LRCOL1: variants seen among roughly 807,000 people sequenced by gnomAD.
LRCOL1 encodes leucine rich colipase like 1, also known as leucine-rich colipase-like protein 1.
Under a neutral mutation model 21.6 loss-of-function variants are expected in LRCOL1, and 21 were observed. The observed-to-expected ratio is 0.97, with a 90% CI of 0.69 to 1.40. The LOEUF (loss-of-function observed/expected upper bound fraction) is 1.40. Among genes scored for constraint, LRCOL1 ranks in the 40% most tolerant of loss-of-function variants. The probability of loss-of-function intolerance (pLI) is 0.00; values close to 1 mark genes in which losing one functional copy is unlikely to be tolerated. For missense variants in LRCOL1, 198 were observed against 202.3 expected (o/e 0.98, Z 0.13); for synonymous variants, 98 against 90.1 (o/e 1.09, Z -0.49).
intron 5 of LRCOL1, 144 bp from the exon 6 acceptor site, chr12:132,603,548 G>A (rs989824600): frequency 2.0e-6 from 3 of 1,492,968 alleles, no homozygotes; most frequent in East Asian, 2.5e-5. Context: ...CGACGCCCAC[G>A]CTCAGCTCGC....
At position 132,606,623 on chromosome 12, in the gene LRCOL1, T is replaced by C. The variant is rs528744468; in HGVS notation, c.-13-359A>G. On this transcript the variant is annotated intron_variant, in intron 1 of 5. Coordinates refer to ENST00000376608, the MANE Select transcript of LRCOL1 (RefSeq NM_001195520.2). The surrounding 1 kb of genome is among the most constrained non-coding windows in gnomAD (Gnocchi z 4.6). The stretch of plus-strand genomic sequence containing the variant: ...CCTGCTGCGGGTTTGGGTGAGTGCG[T>C]TCTCATAACTGCCATTTCAGTATCC... Among the ~76,000 whole-genome samples the C allele has an allele frequency of 6.6e-6, 1 of 152,152 alleles. No individual in the cohort carries two copies. The highest frequency in any genetic ancestry group is 1.9e-4 in the East Asian group (1 of 5,148).
At chr12:132,608,027 C>T (rs1225951167) in intron 1 of LRCOL1, among the ~76,000 whole-genome samples, 1 of 142,500 alleles carries the variant, frequency 7.0e-6, no homozygotes, top group Non-Finnish European at 1.6e-5. Context: ...CTCTGTCTCT[C>T]TCTGTCTCTG....
chr12:132,608,463 AC>A (rs2041339926), intron 1 of LRCOL1, among the ~76,000 whole-genome samples: 1 of 152,178 alleles, frequency 6.6e-6, no homozygotes, highest in African/African-American at 2.4e-5. Context: ...TGGAGCCCTG[AC>A]CCCAGACAAA....
At chr12:132,607,683 C>G (rs1462474330) in intron 1 of LRCOL1, among the ~76,000 whole-genome samples, 1 of 96,380 alleles carries the variant, frequency 1.0e-5, no homozygotes, top group Non-Finnish European at 2.1e-5. Flanking sequence ...GTCTCTGTCT[C>G]TCTCTGCCTC....
chr12:132,605,011 G>A, intron 2 of LRCOL1, 180 bp from the exon 3 acceptor site: 1 of 1,424,772 alleles, frequency 7.0e-7, no homozygotes, highest in Non-Finnish European at 9.2e-7. Flanking sequence ...AGTGCTGGGG[G>A]CCCGGGGCTG....
Position 132,604,089 on chromosome 12 carries a change from T to C in LRCOL1, c.477+165A>G, listed in dbSNP as rs2041265800. 5 of 1,427,068 alleles carry C rather than the reference T, an allele frequency of 3.5e-6. No individual in the cohort carries two copies. The African/African-American group carries it at 7.2e-5, about 21-fold the overall frequency. The allele number at this position is 1,427,068 out of a possible 1,614,324, so 88.4% of individuals were successfully genotyped here. On this transcript the variant is annotated intron_variant, in intron 5 of 5. Transcript: ENST00000376608. ...AGGAGCCTTCTCTGCGGCCCCCACCTTATGAGATGGGCGGTGAAGCGCCGG... is the reference window on the plus strand; with the variant it reads ...AGGAGCCTTCTCTGCGGCCCCCACCCTATGAGATGGGCGGTGAAGCGCCGG...
chr12:132,604,846 A>T lies in LRCOL1; in HGVS notation c.106-15T>A. 2 of 1,535,192 alleles carry T rather than the reference A, an allele frequency of 1.3e-6. No homozygotes were observed. Among genetic ancestry groups the T allele is most frequent in the Non-Finnish European group, 1.7e-6 (2 of 1,146,342 alleles). On this transcript the variant is annotated splice_polypyrimidine_tract_variant and intron_variant, in intron 2 of 5. Transcript: ENST00000376608. ...TCCCCGATGCCCTGAAACACCACTCACCAGCTCGCTCACCTGTTCCTGGGC... is the reference window on the plus strand; with the variant it reads ...TCCCCGATGCCCTGAAACACCACTCTCCAGCTCGCTCACCTGTTCCTGGGC...
Position 132,604,247 on chromosome 12 carries a change from G to T in LRCOL1, c.477+7C>A, listed in dbSNP as rs1446412638. 8 of 1,531,016 alleles carry T rather than the reference G, an allele frequency of 5.2e-6. No homozygotes were observed. Among genetic ancestry groups the T allele is most frequent in the African/African-American group, 1.4e-5 (1 of 73,008 alleles). The allele number at this position is 1,531,016 out of a possible 1,614,324, so 94.8% of individuals were successfully genotyped here. A position where few individuals can be genotyped will look rare whatever the true frequency, so the allele number is the denominator to read the frequency against. On this transcript the variant is annotated splice_region_variant and intron_variant, in intron 5 of 5. Transcript: ENST00000376608. ...GCCTGGAGGCTGAGCCCCCGCCCGG[G>T]ACTTACCAGGGGCAGGCACTGGGCC... is the stretch of plus-strand genomic sequence containing the variant.
Position 132,604,697 on chromosome 12 carries a change from G to C in LRCOL1, c.231+9C>G. On this transcript the variant is annotated intron_variant, in intron 3 of 5. Coordinates refer to ENST00000376608, the MANE Select transcript of LRCOL1 (RefSeq NM_001195520.2). ...CGCTCCTCCACCCCCGCCCCTGCACGCACCTCACCTTCCTCCAGGGCAGGC... is the reference window on the plus strand; with the variant it reads ...CGCTCCTCCACCCCCGCCCCTGCACCCACCTCACCTTCCTCCAGGGCAGGC... 1 of 1,535,128 alleles carries C rather than the reference G, an allele frequency of 6.5e-7. No individual in the cohort carries two copies. The highest frequency in any genetic ancestry group is 8.7e-7 in the Non-Finnish European group (1 of 1,146,228).
intron 1 of LRCOL1, among the ~76,000 whole-genome samples, chr12:132,609,659 T>C (rs942056998): frequency 6.6e-6 from 1 of 152,158 alleles, no homozygotes; most frequent in African/African-American, 2.4e-5. Flanking sequence ...ATCACACCAC[T>C]ACATTCCAGC....
chr12:132,609,591 G>A (rs539620760), intron 1 of LRCOL1, among the ~76,000 whole-genome samples: 1 of 152,302 alleles, frequency 6.6e-6, no homozygotes, highest in Non-Finnish European at 1.5e-5. Context: ...CAGCTACTTA[G>A]GAGGCTGAGG....
rs1228506695 is a variant in LRCOL1, at chr12:132,606,727, G to A, written c.-13-463C>T. On this transcript the variant is annotated intron_variant, in intron 1 of 5. Coordinates refer to ENST00000376608, the MANE Select transcript of LRCOL1 (RefSeq NM_001195520.2). This position sits in a 1 kb window ranked among gnomAD's most constrained non-coding sequence, Gnocchi z 4.6. ...CCCTCCCCAGCTGCTGACAGCCACC[G>A]AGCTTTTCACTGTCAGCTTGGTTTT... 2.0e-5 allele frequency among the ~76,000 whole-genome samples: 3 copies of A among 152,050 alleles called. No individual in the cohort carries two copies. The highest frequency in any genetic ancestry group is 2.9e-5 in the Non-Finnish European group (2 of 68,014).
intron 1 of LRCOL1, among the ~76,000 whole-genome samples, chr12:132,609,415 G>A (rs2041349539): frequency 6.6e-6 from 1 of 152,230 alleles, no homozygotes; most frequent in Non-Finnish European, 1.5e-5. Context: ...CATTAAGACG[G>A]CCCGGGCATG....
rs1368672742 is a variant in LRCOL1, at chr12:132,606,403, A to G, written c.-13-139T>C. ...AGACAGACTTTTAAAAACTTAATGG[A>G]CTTTATTTTCTAAAGCAGTTTTATG... On this transcript the variant is annotated intron_variant, in intron 1 of 5. Coordinates refer to ENST00000376608, the MANE Select transcript of LRCOL1 (RefSeq NM_001195520.2). This position sits in a 1 kb window ranked among gnomAD's most constrained non-coding sequence, Gnocchi z 4.6. 1.4e-6 allele frequency: 1 copy of G among 728,908 alleles called. No homozygotes were observed. Among genetic ancestry groups the G allele is most frequent in the Non-Finnish European group, 2.2e-6 (1 of 457,628 alleles). 45.2% of individuals were successfully genotyped at this position (728,908 alleles called of 1,614,324 possible).
chr12:132,604,187 T>C, intron 5 of LRCOL1, 67 bp downstream of exon 5: 1 of 1,481,212 alleles, frequency 6.8e-7, no homozygotes, highest in East Asian at 2.5e-5. Context: ...AGTTGCTGTG[T>C]TTCTGTGCGA....
At chr12:132,604,952 C>T in intron 2 of LRCOL1, 121 bp from the exon 3 acceptor site, 1 of 1,460,008 alleles carries the variant, frequency 6.8e-7, no homozygotes. Context: ...ACTTGGGTTT[C>T]CTGAGAAGTT....
Position 132,605,946 on chromosome 12 carries a change from C to CAGCCGGGCGTGT in LRCOL1, c.105+189_105+200dup, listed in dbSNP as rs2041302380. On this transcript the variant is annotated intron_variant, in intron 2 of 5. Transcript: ENST00000376608. ...TAGCCTCAAGTGTGCTTGGGCAGCA[C>CAGCCGGGCGTGT]AGCCGGGCGTGTGGCCAGGAGAGCG... 4.2e-5 allele frequency: 25 copies of CAGCCGGGCGTGT among 598,200 alleles called. No homozygotes were observed. The East Asian group carries it at 7.1e-4, about 17-fold the overall frequency. The allele number at this position is 598,200 out of a possible 1,614,324, so 37.1% of individuals were successfully genotyped here.
chr12:132,606,106 G>T lies in LRCOL1; in HGVS notation c.105+41C>A, dbSNP rs1290333924. ...GCGCCCGGCACCCACCTTATGGCGC[G>T]TGTGGGGCCTGCAGGGGCATCAGGG... On this transcript the variant is annotated intron_variant, in intron 2 of 5. Coordinates refer to ENST00000376608, the MANE Select transcript of LRCOL1 (RefSeq NM_001195520.2). This position sits in a 1 kb window ranked among gnomAD's most constrained non-coding sequence, Gnocchi z 4.6. 1 of 1,524,796 alleles carries T rather than the reference G, an allele frequency of 6.6e-7. No individual in the cohort carries two copies. Among genetic ancestry groups the T allele is most frequent in the Non-Finnish European group, 8.8e-7 (1 of 1,136,922 alleles). The allele number at this position is 1,524,796 out of a possible 1,614,324, so 94.5% of individuals were successfully genotyped here. A position where few individuals can be genotyped will look rare whatever the true frequency, so the allele number is the denominator to read the frequency against.
rs2041246040 is a variant in LRCOL1 at position 132,603,154 on chromosome 12, G to C, written c.*248C>G. 2 of 483,836 alleles carry C rather than the reference G, an allele frequency of 4.1e-6. No homozygotes were observed. The highest frequency in any genetic ancestry group is 2.0e-5 in the African/African-American group (1 of 49,748). 30.0% of individuals were successfully genotyped at this position (483,836 alleles called of 1,614,324 possible). On this transcript the variant is annotated 3_prime_UTR_variant, in exon 6 of 6. Transcript: ENST00000376608. ...AGAAGGGGTGAGACACGGCTGCTCA[G>C]TCGGCCAGGAGCCTTTATTGATGTT...
Sources: gnomAD v4.1 joint callset for allele counts (sites outside exome capture counted in the v4.1 genomes callset) on GRCh38, gnomAD v4.1.1 for gene constraint, Gnocchi (gnomAD v3.1) non-coding constraint, MANE v1.5 for transcripts, NCBI Gene and HGNC (gene_info 2026-07-23, HGNC 2026-07-21) for gene names.